The following PDXDC1 variants were observed in gnomAD, a reference collection of about 807,000 sequenced individuals.
PDXDC1 encodes the protein pyridoxal-dependent decarboxylase domain-containing protein 1.
A neutral mutation model predicts 100.1 loss-of-function variants in PDXDC1; 42 were observed. The ratio of observed to expected loss-of-function variants is 0.42; its 90% CI spans 0.33 to 0.54. The LOEUF (loss-of-function observed/expected upper bound fraction) is 0.54. Ranked by LOEUF, PDXDC1 falls within the 20% of genes least tolerant of loss-of-function variation. The pLI is 0.10. For synonymous variants in PDXDC1, 260 were observed against 371.7 expected, an observed-to-expected ratio of 0.70 and a Z score of 3.46; for missense variants, 636 against 979.2, an observed-to-expected ratio of 0.65 and a Z score of 4.68.
intron 16 of PDXDC1, among the ~76,000 whole-genome samples, chr16:15,106,635 A>C (rs1279064556): frequency 6.7e-6 from 1 of 148,608 alleles, no homozygotes; most frequent in Non-Finnish European, 1.5e-5. Flanking sequence ...GGCACCTGTA[A>C]GCCCAGCTAC....
chr16:15,067,549 C>T (rs1287269363), intron 16 of PDXDC1, among the ~76,000 whole-genome samples: 4 of 146,650 alleles, frequency 2.7e-5, no homozygotes, highest in Non-Finnish European at 6.0e-5. Context: ...CAATCTCTTA[C>T]AGGTCAACAT....
chr16:15,126,259 A>G (rs2047720148), intron 16 of PDXDC1, among the ~76,000 whole-genome samples: 1 of 136,752 alleles, frequency 7.3e-6, no homozygotes, highest in Admixed American at 7.6e-5. Flanking sequence ...TGGTCTTGGA[A>G]CTCCTGACCT....
intron 1 of PDXDC1, among the ~76,000 whole-genome samples, chr16:14,977,124 G>T (rs991314752): frequency 1.3e-5 from 2 of 152,274 alleles, no homozygotes; most frequent in African/African-American, 4.8e-5. Flanking sequence ...TCGCAAGAGG[G>T]ACTGAAATTC....
the PDXDC1 span, among the ~76,000 whole-genome samples, chr16:15,146,023 C>T: frequency 1.3e-5 from 2 of 152,160 alleles, no homozygotes; most frequent in Non-Finnish European, 2.9e-5. Context: ...GGTGGGGGAG[C>T]GAGGGCAGTG....
intron 1 of PDXDC1, among the ~76,000 whole-genome samples, chr16:14,983,941 T>A (rs886606600): frequency 6.6e-6 from 1 of 152,222 alleles, no homozygotes; most frequent in Non-Finnish European, 1.5e-5. Flanking sequence ...GGAAGGAGGA[T>A]CTCTTGAGCC....
intron 16 of PDXDC1, among the ~76,000 whole-genome samples, chr16:15,117,576 C>T (rs982834735): frequency 6.6e-6 from 1 of 150,536 alleles, no homozygotes; most frequent in African/African-American, 2.5e-5. Flanking sequence ...ACCTGTAATC[C>T]CAGCTACTTG....
intron 16 of PDXDC1, among the ~76,000 whole-genome samples, chr16:15,071,641 G>A (rs2045233868): frequency 6.6e-6 from 1 of 152,146 alleles, no homozygotes; most frequent in Non-Finnish European, 1.5e-5. Flanking sequence ...GGTGGCAGGT[G>A]CCTGTAATCC....
At chr16:15,071,899 T>G (rs1487711401) in intron 16 of PDXDC1, among the ~76,000 whole-genome samples, 2 of 152,188 alleles carry the variant, frequency 1.3e-5, no homozygotes, top group Non-Finnish European at 2.9e-5. Context: ...CCAGAACTGG[T>G]GACCAACAAT....
chr16:15,084,672 G>C, intron 16 of PDXDC1: 1 of 1,612,778 alleles, frequency 6.2e-7, no homozygotes, highest in Non-Finnish European at 8.5e-7. Flanking sequence ...TATTTGCAAG[G>C]CTCTGTGACA....
chr16:15,128,174 C>A lies in PDXDC1; in HGVS notation c.1400-10705C>A, dbSNP rs575057199. On this transcript the variant is annotated intron_variant, in intron 16 of 16. Transcript: ENST00000535621. ...GGAGGGAGGTCAGGCTCGCAGGGCG[C>A]CCCAACGCGGGGGCAGAGGGGCAGA... 4 of 1,610,504 alleles carry A rather than the reference C, an allele frequency of 2.5e-6. No homozygotes were observed. The Admixed American group carries it at 5.0e-5, about 20-fold the overall frequency.
intron 16 of PDXDC1, among the ~76,000 whole-genome samples, chr16:15,063,717 A>AAG (rs1555454469): frequency 1.3e-5 from 2 of 151,006 alleles, no homozygotes; most frequent in Non-Finnish European, 3.0e-5. Context: ...AAAAAAAAAA[A>AAG]AAAAAGAAAA....
intron 13 of PDXDC1, among the ~76,000 whole-genome samples, chr16:15,024,080 C>A (rs2042402357): frequency 6.6e-6 from 1 of 152,274 alleles, no homozygotes; most frequent in Non-Finnish European, 1.5e-5. Context: ...AATTGGGGGA[C>A]CCAGTGGTGC....
chr16:15,017,081 TTAAA>T (rs2041847515), intron 9 of PDXDC1, 35 bp from the exon 10 acceptor site: 1 of 1,610,984 alleles, frequency 6.2e-7, no homozygotes, highest in South Asian at 1.1e-5. Flanking sequence ...GTAAGCAACA[TTAAA>T]TAATTAGTTC....
Position 14,981,817 on chromosome 16 carries a change from G to T in PDXDC1, c.21+6597G>T, listed in dbSNP as rs1333060334. ...CTCCTTTCCACTGTTGGGTATTTTT[G>T]TCCTTTTCTTTTGTTTCTTTTTTTT... On this transcript the variant is annotated intron_variant, in intron 1 of 22. Coordinates refer to ENST00000396410, the MANE Select transcript of PDXDC1 (RefSeq NM_015027.4). Among the ~76,000 whole-genome samples, 20 of 151,186 alleles carry T rather than the reference G, an allele frequency of 1.3e-4. No homozygotes were observed. The Admixed American group carries it at 1.3e-3, about 10-fold the overall frequency.
intron 16 of PDXDC1, chr16:15,061,687 G>A (rs1254144580): frequency 3.2e-6 from 5 of 1,539,650 alleles, no homozygotes. Context: ...GGGTGCTGAG[G>A]GCATGACAAG....
At chr16:15,022,895 A>C (rs2042314751) in intron 13 of PDXDC1, 141 bp downstream of exon 13, 3 of 751,260 alleles carry the variant, frequency 4.0e-6, no homozygotes, top group Non-Finnish European at 6.3e-6. Flanking sequence ...CAAAACAAAA[A>C]AACGAAACAA....
chr16:14,996,596 G>T (rs1281655918), intron 1 of PDXDC1, among the ~76,000 whole-genome samples: 1 of 152,252 alleles, frequency 6.6e-6, no homozygotes, highest in Non-Finnish European at 1.5e-5. Flanking sequence ...CAAAAAGTTC[G>T]GGCACAGTGG....
chr16:15,081,636 T>C (rs1158937788), intron 16 of PDXDC1, among the ~76,000 whole-genome samples: 1 of 152,232 alleles, frequency 6.6e-6, no homozygotes, highest in Non-Finnish European at 1.5e-5. Flanking sequence ...ATCCTTTTCA[T>C]CTTCTTGAAG....
At chr16:15,019,985 G>A (rs1391187533) in intron 12 of PDXDC1, among the ~76,000 whole-genome samples, 4 of 152,192 alleles carry the variant, frequency 2.6e-5, no homozygotes, top group Admixed American at 1.3e-4. Context: ...GGTGGCGGGC[G>A]CCTGTAGTCC....
Sources: allele counts gnomAD v4.1 joint callset (sites outside exome capture counted in the v4.1 genomes callset), GRCh38; gene constraint gnomAD v4.1.1; transcripts MANE v1.5; gene names NCBI Gene and HGNC (gene_info 2026-07-23, HGNC 2026-07-21).